The following SPATA7 variants were observed in gnomAD, a reference collection of about 807,000 sequenced individuals.
The protein encoded by SPATA7 is spermatogenesis-associated protein 7.
Under a neutral mutation model 51.8 loss-of-function variants are expected in SPATA7, and 43 were observed. The ratio of observed to expected loss-of-function variants is 0.83; its 90% confidence interval spans 0.65 to 1.07. The LOEUF (loss-of-function observed/expected upper bound fraction) is 1.07. SPATA7 is among the 50% of genes least tolerant of loss of function. The pLI is 0.00. For missense variants in SPATA7, 683 were observed against 701.3 expected (o/e 0.97, Z 0.30); for synonymous variants, 230 against 252.8 (o/e 0.91, Z 0.86).
At chr14:88,387,249 A>C (rs2075606541) in intron 1 of SPATA7, among the ~76,000 whole-genome samples, 1 of 152,212 alleles carries the variant, frequency 6.6e-6, no homozygotes, top group Non-Finnish European at 1.5e-5. Context: ...TGGTAGATTT[A>C]GTAAGTTGTC....
chr14:88,461,341 C>T (rs1413333435), intron 4 of SPATA7, among the ~76,000 whole-genome samples: 2 of 152,204 alleles, frequency 1.3e-5, no homozygotes, highest in Admixed American at 6.5e-5. Context: ...CCTCCTTGAG[C>T]TGTGGTGGGC....
intron 1 of SPATA7, among the ~76,000 whole-genome samples, chr14:88,388,206 A>G (rs1446885519): frequency 6.6e-6 from 1 of 152,200 alleles, no homozygotes; most frequent in Non-Finnish European, 1.5e-5. Context: ...CATCTCAAAA[A>G]AAAAATTGTT....
At chr14:88,465,635 A>G (rs1352312332) in intron 4 of SPATA7, 1 of 152,226 alleles carries the variant, frequency 6.6e-6, no homozygotes, top group African/African-American at 2.4e-5. Flanking sequence ...GCACATTTTG[A>G]TAATTCTTAT....
At chr14:88,398,914 T>C (rs1429355337) in intron 4 of SPATA7, among the ~76,000 whole-genome samples, 1 of 151,670 alleles carries the variant, frequency 6.6e-6, no homozygotes, top group Non-Finnish European at 1.5e-5. Flanking sequence ...TAGCTGGGCA[T>C]GGTGGCAGGC....
chr14:88,386,263 C>A (rs536905846), intron 1 of SPATA7, among the ~76,000 whole-genome samples: 1 of 152,072 alleles, frequency 6.6e-6, no homozygotes, highest in Non-Finnish European at 1.5e-5. Flanking sequence ...CCATGGAGTT[C>A]TTGAGGATTA....
chr14:88,421,561 T>G (rs998166718), intron 5 of SPATA7, among the ~76,000 whole-genome samples: 1 of 152,182 alleles, frequency 6.6e-6, no homozygotes, highest in Non-Finnish European at 1.5e-5. Flanking sequence ...TGGAGGACAG[T>G]TACGAGACAG....
chr14:88,407,374 T>C (rs1311804492), intron 4 of SPATA7, among the ~76,000 whole-genome samples: 2 of 152,208 alleles, frequency 1.3e-5, no homozygotes, highest in Non-Finnish European at 2.9e-5. Context: ...CCAGTGATGA[T>C]TAGCTTTTTT....
intron 4 of SPATA7, chr14:88,468,044 CA>C (rs2077392107): frequency 6.8e-7 from 1 of 1,468,768 alleles, no homozygotes; most frequent in African/African-American, 1.4e-5. Context: ...CTGCGTGGAT[CA>C]AGTGTCAACG....
chr14:88,445,328 T>TCCAG (rs2077204127), intron 3 of SPATA7, among the ~76,000 whole-genome samples: 1 of 151,454 alleles, frequency 6.6e-6, no homozygotes, highest in Non-Finnish European at 1.5e-5. Context: ...TTTTTGTACA[T>TCCAG]TGATTTTGTA....
At chr14:88,398,651 A>T (rs555622920) in intron 4 of SPATA7, among the ~76,000 whole-genome samples, 20 of 150,064 alleles carry the variant, frequency 1.3e-4, no homozygotes, top group South Asian at 1.3e-3. Flanking sequence ...AAAAAAAGAT[A>T]AAAAAAAATC....
chr14:88,449,202 A>G (rs141166236), intron 3 of SPATA7, among the ~76,000 whole-genome samples: 1 of 152,232 alleles, frequency 6.6e-6, no homozygotes, highest in East Asian at 1.9e-4. Flanking sequence ...TAGGCATTTA[A>G]TACTATGAAC....
In SPATA7 at chr14:88,429,374, C is replaced by T. The variant is rs1481038298; in HGVS notation, c.939C>T (p.Ala313=). The T allele has an allele frequency of 6.2e-7, 1 of 1,611,348 alleles. No individual in the cohort carries two copies. Residue 313 remains alanine, a synonymous_variant, in exon 8 of 12, where the codon GCC becomes GCT. Transcript: ENST00000393545. ...CATCTAATTGTGTGACATATGATGC[C>T]AAAGAAAAAATAGCTCCTTTACCTT... is the stretch of plus-strand genomic sequence containing the variant. ...KQASNCVTYD[A]KEKIAPLPLE... is the part of the protein sequence containing the mutation.
At chr14:88,439,517 AC>A (rs2077162853), downstream of SPATA7, among the ~76,000 whole-genome samples, 1 of 152,178 alleles carries the variant, frequency 6.6e-6, no homozygotes, top group Non-Finnish European at 1.5e-5. Flanking sequence ...AAAAACAATA[AC>A]CCATTTTGTT....
intron 1 of SPATA7, among the ~76,000 whole-genome samples, chr14:88,388,667 G>T (rs1455763397): frequency 6.6e-6 from 1 of 152,214 alleles, no homozygotes; most frequent in African/African-American, 2.4e-5. Context: ...TGAGGCAGGA[G>T]CATCACTTGA....
intron 4 of SPATA7, among the ~76,000 whole-genome samples, chr14:88,402,224 A>G (rs991650299): frequency 6.6e-6 from 1 of 152,216 alleles, no homozygotes; most frequent in Non-Finnish European, 1.5e-5. Flanking sequence ...GTACTACCCA[A>G]AGTAGTCTAT....
chr14:88,437,300 G>A (rs1186878640), intron 10 of SPATA7, among the ~76,000 whole-genome samples: 1 of 151,612 alleles, frequency 6.6e-6, no homozygotes, highest in Non-Finnish European at 1.5e-5. Flanking sequence ...GGTGGGGTGA[G>A]AAAAAGGAGA....
chr14:88,462,823 A>G (rs889970520), intron 4 of SPATA7, among the ~76,000 whole-genome samples: 1 of 152,200 alleles, frequency 6.6e-6, no homozygotes, highest in African/African-American at 2.4e-5. Context: ...AACAGTACGC[A>G]AGCCATACTA....
At chr14:88,446,019 T>G (rs1413480413) in intron 3 of SPATA7, among the ~76,000 whole-genome samples, 2 of 152,310 alleles carry the variant, frequency 1.3e-5, no homozygotes, top group African/African-American at 4.8e-5. Flanking sequence ...TTAGGGAGGA[T>G]TCCCTCTTTT....
At chr14:88,462,002 T>C (rs903058263) in intron 4 of SPATA7, among the ~76,000 whole-genome samples, 3 of 152,238 alleles carry the variant, frequency 2.0e-5, no homozygotes, top group Non-Finnish European at 2.9e-5. Context: ...AACCTGTTTG[T>C]TGGTCTGAAC....
Sources: allele counts gnomAD v4.1 joint callset (sites outside exome capture counted in the v4.1 genomes callset), GRCh38; gene constraint gnomAD v4.1.1; transcripts MANE v1.5; gene names NCBI Gene and HGNC (gene_info 2026-07-23, HGNC 2026-07-21).